The following CHDH variants were observed in gnomAD, a reference collection of about 807,000 sequenced individuals.
CHDH encodes choline dehydrogenase, also known as choline dehydrogenase, mitochondrial.
CHDH carries 43 observed loss-of-function variants against 56.9 expected under a neutral mutation model. The ratio of observed to expected loss-of-function variants is 0.76; its 90% CI spans 0.59 to 0.97. The LOEUF is 0.97. Among genes scored for constraint, CHDH ranks in the 50% least tolerant of loss-of-function variants. CHDH has a pLI of 0.00. For missense variants in CHDH, 816 were observed against 821.1 expected (o/e 0.99, Z 0.08); for synonymous variants, 364 against 348.5 (o/e 1.04, Z -0.50).
At chr3:53,825,553 C>G (rs891027257) in intron 2 of CHDH, among the ~76,000 whole-genome samples, 2 of 152,118 alleles carry the variant, frequency 1.3e-5, no homozygotes, top group African/African-American at 4.8e-5. Context: ...CAACCAACAA[C>G]TCTGGGACAA....
In CHDH at chr3:53,821,758, C is replaced by T. The variant is rs1317544652; in HGVS notation, c.874G>A (p.Val292Met). Residue 292 changes from valine to methionine, a missense_variant, in exon 5 of 9, where the codon GTG becomes ATG. Val to Met is a conservative substitution (Grantham distance 21). Coordinates refer to ENST00000315251, the MANE Select transcript of CHDH (RefSeq NM_018397.5). ...TTGATGGCACCTCCACTCAGAATCA[C>T]CTCCTTGCTGGCATAAGCCTGGAAG... Reference protein sequence around the residue: ...QSHRAYASKEVILSGGAINSP... With the variant: ...QSHRAYASKEMILSGGAINSP... 6.2e-7 allele frequency: 1 copy of T among 1,613,970 alleles called. No homozygotes were observed. Among genetic ancestry groups the T allele is most frequent in the Admixed American group, 1.7e-5 (1 of 60,022 alleles).
intron 2 of CHDH, among the ~76,000 whole-genome samples, chr3:53,837,438 G>A (rs1698531658): frequency 6.6e-6 from 1 of 152,250 alleles, no homozygotes; most frequent in African/African-American, 2.4e-5. Context: ...TGAGGCTACA[G>A]GCTGCCAACA....
rs1461769426 is a variant in CHDH, at chr3:53,816,139, C to CA, written c.*1637_*1638insT. ...TAACTTGTGGCTGTCGGACGCCCCC[C>CA]CCCCCCGCCCCAGTCTGTAAGCCGC... On this transcript the variant is annotated 3_prime_UTR_variant, in exon 9 of 9. Coordinates refer to ENST00000315251, the MANE Select transcript of CHDH (RefSeq NM_018397.5). 2 of 118,682 alleles carry CA rather than the reference C, an allele frequency of 1.7e-5. No homozygotes were observed. The highest frequency in any genetic ancestry group is 3.5e-5 in the Non-Finnish European group (2 of 57,122). 7.4% of individuals were successfully genotyped at this position (118,682 alleles called of 1,614,324 possible).
chr3:53,819,561 G>C lies in CHDH; in HGVS notation c.1234C>G (p.Arg412Gly). Reference sequence around the variant, plus strand: ...TAAGCCTCCTGCTGGGTGGGGACCCGCCCGTGGTCAATCACTTGGGATGGC... The same window carrying C: ...TAAGCCTCCTGCTGGGTGGGGACCCCCCCGTGGTCAATCACTTGGGATGGC... Reference protein sequence around the residue: ...FLPSQVIDHGRVPTQQEAYQV... With the variant: ...FLPSQVIDHGGVPTQQEAYQV... The change falls in exon 7 of 9, where the codon CGG (arginine) becomes GGG (glycine). Residue 412 changes from arginine (R) to glycine (G), a missense_variant. Coordinates refer to ENST00000315251, the MANE Select transcript of CHDH (RefSeq NM_018397.5). The surrounding 1 kb of genome is among the most constrained non-coding windows in gnomAD (Gnocchi z 5.4). 1.2e-6 allele frequency: 2 copies of C among 1,612,372 alleles called. No homozygotes were observed.
At chr3:53,834,820 C>G (rs1325540116) in intron 2 of CHDH, among the ~76,000 whole-genome samples, 1 of 152,188 alleles carries the variant, frequency 6.6e-6, no homozygotes, top group African/African-American at 2.4e-5. Flanking sequence ...GTGTACTGTG[C>G]CCTGTAGGAT....
In CHDH at chr3:53,816,047, A is replaced by G. The variant is rs897643243; in HGVS notation, c.*1730T>C. On this transcript the variant is annotated 3_prime_UTR_variant, in exon 9 of 9. Coordinates refer to ENST00000315251, the MANE Select transcript of CHDH (RefSeq NM_018397.5). ...TAAGATTAAACAAGAGCTGCTTAAG[A>G]TTTTTAAAAGGAGAGGTGTGATGGG... 3 of 151,272 alleles carry G rather than the reference A, an allele frequency of 2.0e-5. No homozygotes were observed. The highest frequency in any genetic ancestry group is 2.9e-5 in the Non-Finnish European group (2 of 67,982). The allele number at this position is 151,272 out of a possible 1,614,324, so 9.4% of individuals were successfully genotyped here. A position where few individuals can be genotyped will look rare whatever the true frequency, so the allele number is the denominator to read the frequency against.
At chr3:53,842,903 C>G (rs1443006614) in intron 1 of CHDH, among the ~76,000 whole-genome samples, 2 of 152,316 alleles carry the variant, frequency 1.3e-5, no homozygotes, top group East Asian at 3.9e-4. Flanking sequence ...TCCGGCTCAC[C>G]ACCAGGGGCC....
chr3:53,846,409 CAG>C lies in CHDH; in HGVS notation c.-459_-458del. The C allele has an allele frequency of 1.7e-6, 1 of 586,932 alleles. No individual in the cohort carries two copies. 36.4% of individuals were successfully genotyped at this position (586,932 alleles called of 1,614,324 possible). A position where few individuals can be genotyped will look rare whatever the true frequency, so the allele number is the denominator to read the frequency against. On this transcript the variant is annotated 5_prime_UTR_variant, in exon 1 of 9. Coordinates refer to ENST00000315251, the MANE Select transcript of CHDH (RefSeq NM_018397.5). Reference sequence around the variant, plus strand: ...GGACACGGCCCATCCCTCCGAGCCCCAGCAGGCGAGGGCGCTGCGACCTGCCC... The same window carrying C: ...GGACACGGCCCATCCCTCCGAGCCCCCAGGCGAGGGCGCTGCGACCTGCCC...
intron 2 of CHDH, among the ~76,000 whole-genome samples, chr3:53,832,130 T>C (rs934256408): frequency 6.6e-5 from 10 of 152,166 alleles, no homozygotes; most frequent in Non-Finnish European, 1.3e-4. Flanking sequence ...CCTAGGTATA[T>C]ACTCCAAAAA....
chr3:53,818,847 TG>T (rs1284049857), intron 8 of CHDH, 90 bp downstream of exon 8: 1 of 854,394 alleles, frequency 1.2e-6, no homozygotes, highest in Non-Finnish European at 2.0e-6. Flanking sequence ...TCCTAGAAAG[TG>T]TAGTCCAAGG....
rs2095622179 is a variant in CHDH, at chr3:53,819,595, G to T, written c.1200C>A (p.Phe400Leu). ...QPGVPHPDIQ[F>L]HFLPSQVIDH... ...CAATCACTTGGGATGGCAGGAAATGGAACTGGATGTCCGGGTGGGGGACCC... is the reference window on the plus strand; with the variant it reads ...CAATCACTTGGGATGGCAGGAAATGTAACTGGATGTCCGGGTGGGGGACCC... The change falls in exon 7 of 9, where the codon TTC becomes TTA. Residue 400 changes from phenylalanine to leucine, a missense_variant. Physicochemically the swap from Phe to Leu is conservative, Grantham distance 22. Transcript: ENST00000315251. This position sits in a 1 kb window ranked among gnomAD's most constrained non-coding sequence, Gnocchi z 5.4. 4 of 1,613,066 alleles carry T rather than the reference G, an allele frequency of 2.5e-6. No individual in the cohort carries two copies. The Admixed American group carries it at 6.7e-5, about 27-fold the overall frequency.
intron 3 of CHDH, 45 bp downstream of exon 3, chr3:53,823,261 G>T: frequency 1.4e-6 from 2 of 1,437,410 alleles, no homozygotes; most frequent in Non-Finnish European, 1.8e-6. Context: ...GTGGGGGCTG[G>T]GGTAGGGGGT....
intron 1 of CHDH, among the ~76,000 whole-genome samples, chr3:53,845,117 G>C (rs1698816452): frequency 6.6e-6 from 1 of 152,236 alleles, no homozygotes. Context: ...GTGGAATGAG[G>C]GGCTCAGGGT....
At chr3:53,831,128 G>A (rs768288479) in intron 2 of CHDH, among the ~76,000 whole-genome samples, 1 of 152,224 alleles carries the variant, frequency 6.6e-6, no homozygotes, top group Non-Finnish European at 1.5e-5. Context: ...GTGGTATCCT[G>A]GCAGTCCTCC....
intron 8 of CHDH, 25 bp from the exon 9 acceptor site, chr3:53,818,220 GGAC>G: frequency 6.4e-7 from 1 of 1,566,480 alleles, no homozygotes. Context: ...AAACAGGTGA[GGAC>G]CCCTCCTTTT....
Position 53,823,827 on chromosome 3 carries a change from T to C in CHDH, c.182A>G (p.Glu61Gly). ...AGCVLAGRLT[E>G]DPAERVLLLE... The stretch of plus-strand genomic sequence containing the variant: ...CAGCAGCACGCGCTCGGCGGGGTCC[T>C]CCGTGAGCCTCCCAGCCAGCACGCA... Residue 61 changes from glutamate to glycine, a missense_variant, in exon 3 of 9, where the codon GAG (glutamate) becomes GGG (glycine). Physicochemically the swap from Glu to Gly is moderately conservative, Grantham distance 98 (BLOSUM62 -2). Transcript: ENST00000315251. 6.3e-7 allele frequency: 1 copy of C among 1,585,134 alleles called. No individual in the cohort carries two copies. Among genetic ancestry groups the C allele is most frequent in the Non-Finnish European group, 8.5e-7 (1 of 1,172,860 alleles).
In CHDH at chr3:53,822,586, G is replaced by A. The variant is rs1291635983; in HGVS notation, c.760C>T (p.Leu254Phe). 1.9e-6 allele frequency: 3 copies of A among 1,612,664 alleles called. No homozygotes were observed. Among genetic ancestry groups the A allele is most frequent in the African/African-American group, 2.7e-5 (2 of 74,944 alleles). Residue 254 changes from leucine (L) to phenylalanine (F), a missense_variant, in exon 4 of 9, where the codon CTC becomes TTC. Coordinates refer to ENST00000315251, the MANE Select transcript of CHDH (RefSeq NM_018397.5). ...ACAAGCGTCTCGGCCTCGGCCTTGAGGTTGGTGCGGCTCAGTGCTGGGTGC... is the reference window on the plus strand; with the variant it reads ...ACAAGCGTCTCGGCCTCGGCCTTGAAGTTGGTGCGGCTCAGTGCTGGGTGC... ...YLHPALSRTNLKAEAETLVSR... is the reference protein window; with the variant it reads ...YLHPALSRTNFKAEAETLVSR...
chr3:53,820,354 A>G lies in CHDH; in HGVS notation c.1120+120T>C, dbSNP rs930828210. The G allele has an allele frequency of 6.6e-6, 8 of 1,218,138 alleles. No homozygotes were observed. In the African/African-American group the frequency reaches 1.2e-4, roughly 19 times the overall value. The allele number at this position is 1,218,138 out of a possible 1,614,324, so 75.5% of individuals were successfully genotyped here. On this transcript the variant is annotated intron_variant, in intron 6 of 8. Transcript: ENST00000315251. ...GATGGAAAAACTGAGGCTCAGGGCTAAGGTAAATGGCATAGTTCCGCATCA... is the reference window on the plus strand; with the variant it reads ...GATGGAAAAACTGAGGCTCAGGGCTGAGGTAAATGGCATAGTTCCGCATCA...
rs773150662 is a variant in CHDH, at chr3:53,823,391, C to T, written c.618G>A (p.Thr206=). The T allele has an allele frequency of 1.9e-6, 3 of 1,605,382 alleles. No homozygotes were observed. Among genetic ancestry groups the T allele is most frequent in the South Asian group, 1.1e-5 (1 of 89,582 alleles). ...CGGTGAGCGGGTAGCCGGCCTGCTG[C>T]GTGGCCTCCAGGAATGCGCAGTGCA... ...HPLHCAFLEA[T]QQAGYPLTED... The change falls in exon 3 of 9, where the codon ACG becomes ACA. Residue 206 remains threonine, a synonymous_variant. Coordinates refer to ENST00000315251, the MANE Select transcript of CHDH (RefSeq NM_018397.5).
Sources: gnomAD v4.1 joint callset for allele counts (sites outside exome capture counted in the v4.1 genomes callset) on GRCh38, gnomAD v4.1.1 for gene constraint, Gnocchi (gnomAD v3.1) non-coding constraint, MANE v1.5 for transcripts, NCBI Gene and HGNC (gene_info 2026-07-23, HGNC 2026-07-21) for gene names.